Variants in IRAG2 observed in about 807,000 individuals in gnomAD.
The protein encoded by IRAG2 is inositol 1,4,5-triphosphate receptor associated 2.
Under a neutral mutation model 69.9 loss-of-function variants are expected in IRAG2, and 45 were observed. The ratio of observed to expected loss-of-function variants is 0.64; its 90% CI spans 0.51 to 0.83. The LOEUF (loss-of-function observed/expected upper bound fraction) is 0.83, where lower values mean the gene tolerates loss of function less well. Among genes scored for constraint, IRAG2 ranks in the 40% least tolerant of loss-of-function variants. IRAG2 has a pLI of 0.00. For missense variants in IRAG2, 520 were observed against 587.0 expected (o/e 0.89, Z 1.18); for synonymous variants, 193 against 202.4 (o/e 0.95, Z 0.40).
intron 10 of IRAG2, among the ~76,000 whole-genome samples, chr12:25,031,652 G>A (rs560690497): frequency 6.6e-6 from 1 of 152,084 alleles, no homozygotes; most frequent in African/African-American, 2.4e-5. Context: ...GTCCGTGTGT[G>A]TGTGTGTGTT....
rs1948903614 is a variant in IRAG2, at chr12:25,104,148, A to G, written c.1046+90A>G. 10 of 1,097,364 alleles carry G rather than the reference A, an allele frequency of 9.1e-6. No homozygotes were observed. The South Asian group carries it at 1.2e-4, about 14-fold the overall frequency. The allele number at this position is 1,097,364 out of a possible 1,614,324, so 68.0% of individuals were successfully genotyped here. On this transcript the variant is annotated intron_variant, in intron 19 of 21. Coordinates refer to ENST00000556887, the MANE Select transcript of IRAG2 (RefSeq NM_001366544.2). ...GAGTGCTCAAATTAAGTGATATAGT[A>G]ATGTTTGATTTGTACAAAGTGTAAA...
At chr12:25,080,678 C>G (rs1189010934) in intron 9 of IRAG2, among the ~76,000 whole-genome samples, 2 of 152,122 alleles carry the variant, frequency 1.3e-5, no homozygotes, top group Non-Finnish European at 2.9e-5. Context: ...ATCGTTTTAA[C>G]TCGACGTTTA....
intron 8 of IRAG2, among the ~76,000 whole-genome samples, chr12:25,025,503 TAAAAC>T (rs1344642678): frequency 6.6e-6 from 1 of 151,802 alleles, no homozygotes; most frequent in Non-Finnish European, 1.5e-5. Flanking sequence ...TGTCTTTTTT[TAAAAC>T]AAAACAAAAC....
At chr12:25,085,359 G>C (rs1418309649) in intron 10 of IRAG2, among the ~76,000 whole-genome samples, 1 of 151,738 alleles carries the variant, frequency 6.6e-6, no homozygotes, top group Non-Finnish European at 1.5e-5. Flanking sequence ...GAATGGGAAG[G>C]GGGTATTCCC....
At chr12:25,039,135 T>C (rs746425668) in intron 16 of IRAG2, among the ~76,000 whole-genome samples, 16 of 152,214 alleles carry the variant, frequency 1.1e-4, no homozygotes, top group Admixed American at 1.3e-4. Context: ...TAAGAAATGC[T>C]TTTTGAGCAA....
intron 15 of IRAG2, among the ~76,000 whole-genome samples, chr12:25,098,881 T>G (rs915227965): frequency 2.6e-5 from 4 of 152,038 alleles, no homozygotes; most frequent in Non-Finnish European, 5.9e-5. Flanking sequence ...ACCTCCACAT[T>G]ACCAAATTCA....
chr12:25,068,554 G>T (rs1325269840), intron 5 of IRAG2, among the ~76,000 whole-genome samples: 1 of 152,134 alleles, frequency 6.6e-6, no homozygotes, highest in Non-Finnish European at 1.5e-5. Context: ...GGAGTTGAAA[G>T]TTCCAACGCT....
At chr12:25,004,936 G>C in intron 1 of IRAG2, 1 of 1,212,364 alleles carries the variant, frequency 8.2e-7, no homozygotes, top group Non-Finnish European at 1.0e-6. Flanking sequence ...ATCTTTTAAT[G>C]TTTGTCCTTC....
chr12:25,051,019 T>C (rs1188264082), upstream of IRAG2, among the ~76,000 whole-genome samples: 1 of 152,346 alleles, frequency 6.6e-6, no homozygotes, highest in East Asian at 1.9e-4. Flanking sequence ...GTTTCAGTTA[T>C]GCAAGATGAA....
At chr12:25,101,157 G>A in intron 15 of IRAG2, 21 bp from the exon 16 acceptor site, 1 of 1,586,166 alleles carries the variant, frequency 6.3e-7, no homozygotes, top group East Asian at 2.3e-5. Flanking sequence ...ATGTAAATGT[G>A]CTCGTTTTTT....
Position 25,028,685 on chromosome 12 carries a change from T to A in IRAG2, c.1462-1593T>A, listed in dbSNP as rs148847953. 2.2e-4 allele frequency among the ~76,000 whole-genome samples: 34 copies of A among 152,326 alleles called. 1 individual carries two copies. Among genetic ancestry groups the A allele is most frequent in the African/African-American group, 7.9e-4 (33 of 41,574 alleles). On this transcript the variant is annotated intron_variant, in intron 9 of 38. Transcript: ENST00000636465. The stretch of plus-strand genomic sequence containing the variant: ...CGACTAGTAAATTCATGAATTTGTG[T>A]CATGCTTATTGTCATCTCTAATGGC...
intron 6 of IRAG2, among the ~76,000 whole-genome samples, chr12:25,074,853 G>A (rs1946576177): frequency 6.6e-6 from 1 of 152,160 alleles, no homozygotes; most frequent in Non-Finnish European, 1.5e-5. Context: ...CTATCACTGG[G>A]AGGCGGTGAT....
chr12:25,030,302 A>C, exon 10 of IRAG2: 1 of 1,231,684 alleles, frequency 8.1e-7, no homozygotes, highest in Non-Finnish European at 1.0e-6. Flanking sequence ...ATATGAGAAC[A>C]CTTTGCTTAA....
chr12:25,104,193 G>A lies in IRAG2; in HGVS notation c.1046+135G>A, dbSNP rs923987083. ...TGTAAACAGAATAATTATATAAATT[G>A]GTATCTAATTATGAAGTTTTTTATC... On this transcript the variant is annotated intron_variant, in intron 19 of 21. Coordinates refer to ENST00000556887, the MANE Select transcript of IRAG2 (RefSeq NM_001366544.2). 96 of 877,676 alleles carry A rather than the reference G, an allele frequency of 1.1e-4. 1 individual carries two copies. In the African/African-American group the frequency reaches 1.4e-3, roughly 13 times the overall value. 54.4% of individuals were successfully genotyped at this position (877,676 alleles called of 1,614,324 possible).
intron 7 of IRAG2, chr12:25,020,956 C>G: frequency 1.1e-6 from 1 of 932,714 alleles, no homozygotes; most frequent in Non-Finnish European, 1.4e-6. Flanking sequence ...ATTTACATAA[C>G]TGAAATATAC....
At chr12:25,086,531 G>C (rs1026191393) in intron 10 of IRAG2, among the ~76,000 whole-genome samples, 3 of 152,154 alleles carry the variant, frequency 2.0e-5, no homozygotes, top group African/African-American at 7.2e-5. Flanking sequence ...TGAATTATCA[G>C]CAAAAATCCA....
intron 2 of IRAG2, among the ~76,000 whole-genome samples, chr12:25,005,755 A>C (rs1349355877): frequency 2.0e-5 from 3 of 152,140 alleles, no homozygotes; most frequent in Non-Finnish European, 4.4e-5. Flanking sequence ...TTTATTTTTG[A>C]GATGTGTTTT....
At chr12:25,073,920 A>T (rs1946496614) in intron 6 of IRAG2, among the ~76,000 whole-genome samples, 1 of 152,252 alleles carries the variant, frequency 6.6e-6, no homozygotes, top group African/African-American at 2.4e-5. Flanking sequence ...TGCATGACGG[A>T]TATACCAGGA....
chr12:25,096,777 T>C, intron 14 of IRAG2, 133 bp from the exon 15 acceptor site: 1 of 679,186 alleles, frequency 1.5e-6, no homozygotes, highest in Non-Finnish European at 2.5e-6. Context: ...TTATTGATCT[T>C]TGCTGCTTCT....
Sources: gnomAD v4.1 joint callset for allele counts (sites outside exome capture counted in the v4.1 genomes callset) on GRCh38, gnomAD v4.1.1 for gene constraint, MANE v1.5 for transcripts, NCBI Gene and HGNC (gene_info 2026-07-23, HGNC 2026-07-21) for gene names.